Variants in HDAC4 observed in about 807,000 individuals in gnomAD.
HDAC4 encodes the protein histone deacetylase A.
Under a neutral mutation model 135.1 loss-of-function variants are expected in HDAC4, and 16 were observed. That is an observed-to-expected ratio of 0.12 (90% confidence interval 0.08 to 0.18). HDAC4 has a LOEUF of 0.18. Among genes scored for constraint, HDAC4 ranks in the 10% least tolerant of loss-of-function variants. The pLI is 1.00. For missense variants in HDAC4, 1,143 were observed against 1,511.8 expected (o/e 0.76, Z 4.05); for synonymous variants, 685 against 653.4 (o/e 1.05, Z -0.74).
chr2:239,242,230 AAGGG>A lies in HDAC4; in HGVS notation c.23-5570_23-5567del, dbSNP rs142708646. Among the ~76,000 whole-genome samples, 700 of 99,246 alleles carry A rather than the reference AAGGG, an allele frequency of 7.1e-3. 10 individuals are homozygous for A. Among genetic ancestry groups the A allele is most frequent in the African/African-American group, 0.022 (597 of 26,982 alleles). 65.1% of individuals were successfully genotyped at this position (99,246 alleles called of 152,430 possible). A position where few individuals can be genotyped will look rare whatever the true frequency, so the allele number is the denominator to read the frequency against. On this transcript the variant is annotated intron_variant, in intron 2 of 26. Transcript: ENST00000543185. ...GAGAGGACGAGAGAGGAAGGAGGGG[AAGGG>A]AGGGAGGGAGGGAGGGAGGGAGGGA... is the stretch of plus-strand genomic sequence containing the variant.
At position 239,144,576 on chromosome 2, in the gene HDAC4, G is replaced by A. The variant is rs747640828; in HGVS notation, c.865+7C>T. Reference sequence around the variant, plus strand: ...GCGGGGCGGGTGTACCTGCTCAGCCGACATACCTGTGACATCCAACGGACG... The same window carrying A: ...GCGGGGCGGGTGTACCTGCTCAGCCAACATACCTGTGACATCCAACGGACG... On this transcript the variant is annotated splice_region_variant and intron_variant, in intron 8 of 26. Transcript: ENST00000543185. 6 of 1,613,294 alleles carry A rather than the reference G, an allele frequency of 3.7e-6. No homozygotes were observed. The highest frequency in any genetic ancestry group is 2.2e-5 in the South Asian group (2 of 91,050).
chr2:239,268,839 C>G (rs180903874), intron 2 of HDAC4, among the ~76,000 whole-genome samples: 4 of 152,290 alleles, frequency 2.6e-5, no homozygotes. Context: ...TACCAGGGGA[C>G]CTTAGGGCAC....
At chr2:239,227,498 C>T (rs1360773889) in intron 3 of HDAC4, among the ~76,000 whole-genome samples, 1 of 152,208 alleles carries the variant, frequency 6.6e-6, no homozygotes, top group African/African-American at 2.4e-5. Flanking sequence ...AGCCTCAGTG[C>T]CCTCTGCTAC....
intron 1 of HDAC4, among the ~76,000 whole-genome samples, chr2:239,390,719 T>C (rs1275388513): frequency 6.6e-6 from 1 of 152,062 alleles, no homozygotes; most frequent in Non-Finnish European, 1.5e-5. Flanking sequence ...AGAGCGGCAC[T>C]ACCCCTCACT....
intron 15 of HDAC4, among the ~76,000 whole-genome samples, chr2:239,107,316 T>C (rs1021546272): frequency 6.6e-6 from 1 of 152,248 alleles, no homozygotes; most frequent in African/African-American, 2.4e-5. Context: ...AGGGCTCTGG[T>C]TCCTATCAGG....
At chr2:239,376,242 C>A (rs1339976328) in intron 1 of HDAC4, among the ~76,000 whole-genome samples, 10 of 151,696 alleles carry the variant, frequency 6.6e-5, no homozygotes, top group Admixed American at 6.6e-4. Context: ...CCTCCACCAT[C>A]CAAACACCAA....
chr2:239,249,646 A>G (rs191000579), intron 2 of HDAC4, among the ~76,000 whole-genome samples: 18 of 152,280 alleles, frequency 1.2e-4, no homozygotes, highest in African/African-American at 3.9e-4. Flanking sequence ...AGTTCTCCAT[A>G]TTCTACAACA....
At chr2:239,183,170 C>G (rs1460394542) in intron 4 of HDAC4, among the ~76,000 whole-genome samples, 5 of 152,222 alleles carry the variant, frequency 3.3e-5, no homozygotes, top group Admixed American at 2.6e-4. Flanking sequence ...TCCTATTACT[C>G]TAACCAGACT....
intron 2 of HDAC4, among the ~76,000 whole-genome samples, chr2:239,266,565 C>A (rs750969186): frequency 6.6e-6 from 1 of 152,206 alleles, no homozygotes; most frequent in Non-Finnish European, 1.5e-5. Flanking sequence ...TTTCATGACA[C>A]ACACCTTTGC....
At chr2:239,127,729 C>G (rs575482628) in intron 11 of HDAC4, among the ~76,000 whole-genome samples, 1 of 152,354 alleles carries the variant, frequency 6.6e-6, no homozygotes, top group East Asian at 1.9e-4. Flanking sequence ...CCTGAGGCAG[C>G]CTGCTGTTCC....
chr2:239,155,307 G>T (rs776546207), intron 7 of HDAC4, among the ~76,000 whole-genome samples: 219 of 142,728 alleles, frequency 1.5e-3, no homozygotes, highest in Middle Eastern at 8.3e-3. Context: ...ATATGACCCA[G>T]TCCACCTGGG....
At chr2:239,063,187 G>A (rs557483156) in intron 24 of HDAC4, among the ~76,000 whole-genome samples, 3 of 151,924 alleles carry the variant, frequency 2.0e-5, no homozygotes, top group Non-Finnish European at 2.9e-5. Flanking sequence ...AAGCCGGGCC[G>A]TGGCCCTGCA....
At chr2:239,074,804 G>C (rs1185309254) in intron 22 of HDAC4, among the ~76,000 whole-genome samples, 1 of 152,158 alleles carries the variant, frequency 6.6e-6, no homozygotes, top group Admixed American at 6.5e-5. Context: ...TGTGTCTTCA[G>C]GACTGTGCTT....
At chr2:239,227,476 G>A (rs1380567732) in intron 3 of HDAC4, among the ~76,000 whole-genome samples, 1 of 152,180 alleles carries the variant, frequency 6.6e-6, no homozygotes, top group African/African-American at 2.4e-5. Context: ...GCATGCCCCT[G>A]CAGGTCCCGC....
At position 239,084,463 on chromosome 2, in the gene HDAC4, G is replaced by A. The variant is rs903072147; in HGVS notation, c.2445-221C>T. Among the ~76,000 whole-genome samples the A allele has an allele frequency of 3.2e-3, 469 of 146,930 alleles. 3 individuals carry two copies. The highest frequency in any genetic ancestry group is 0.011 in the African/African-American group (435 of 40,094). On this transcript the variant is annotated intron_variant, in intron 19 of 26. Coordinates refer to ENST00000543185, the MANE Select transcript of HDAC4 (RefSeq NM_001378414.1). ...TGCAGACACACTCACACGCGTGCGC[G>A]CGCACACACACACACACACACACAC...
At chr2:239,225,729 G>A (rs1049404919) in intron 3 of HDAC4, among the ~76,000 whole-genome samples, 16 of 59,858 alleles carry the variant, frequency 2.7e-4, no homozygotes, top group Admixed American at 2.3e-3. Flanking sequence ...TCTTCCCCTC[G>A]CCCGTGGCCA....
At chr2:239,127,528 CT>C (rs2040277999) in intron 11 of HDAC4, among the ~76,000 whole-genome samples, 1 of 152,216 alleles carries the variant, frequency 6.6e-6, no homozygotes, top group Non-Finnish European at 1.5e-5. Context: ...CTAACGAACC[CT>C]CTGTCCTGCT....
At chr2:239,362,358 G>A (rs1187925348) in intron 1 of HDAC4, among the ~76,000 whole-genome samples, 3 of 152,062 alleles carry the variant, frequency 2.0e-5, no homozygotes, top group Admixed American at 6.5e-5. Context: ...TCCTCCTCCC[G>A]CAGCTTGGAA....
At chr2:239,183,400 C>T (rs370615631) in intron 4 of HDAC4, among the ~76,000 whole-genome samples, 16 of 152,350 alleles carry the variant, frequency 1.1e-4, no homozygotes, top group African/African-American at 3.6e-4. Context: ...CCGCATAAAG[C>T]GGCAGGGGCC....
Sources: allele counts gnomAD v4.1 joint callset (sites outside exome capture counted in the v4.1 genomes callset), GRCh38; gene constraint gnomAD v4.1.1; transcripts MANE v1.5; gene names NCBI Gene and HGNC (gene_info 2026-07-23, HGNC 2026-07-21).